Variants in CAMK1D observed in about 807,000 individuals in gnomAD.
CAMK1D encodes the protein calcium/calmodulin dependent protein kinase ID.
CAMK1D carries 9 observed loss-of-function variants against 47.7 expected under a neutral mutation model. The ratio of observed to expected loss-of-function variants is 0.19; its 90% CI spans 0.11 to 0.33. The LOEUF is 0.33. CAMK1D is among the 10% of genes least tolerant of loss of function. The probability of loss-of-function intolerance (pLI) is 1.00; values close to 1 mark genes in which losing one functional copy is unlikely to be tolerated. For synonymous variants in CAMK1D, 184 were observed against 184.9 expected, an observed-to-expected ratio of 0.99 and a Z score of 0.04; for missense variants, 291 against 488.7, an observed-to-expected ratio of 0.60 and a Z score of 3.81.
intron 3 of CAMK1D, among the ~76,000 whole-genome samples, chr10:12,690,414 G>T (rs1832833034): frequency 6.6e-6 from 1 of 152,156 alleles, no homozygotes; most frequent in African/African-American, 2.4e-5. Flanking sequence ...AGAAGGGAGG[G>T]CGAAGTTGTT....
chr10:12,737,269 G>C (rs1588868985), intron 3 of CAMK1D, among the ~76,000 whole-genome samples: 1 of 151,942 alleles, frequency 6.6e-6, no homozygotes, highest in African/African-American at 2.4e-5. Context: ...TACTGGCCAG[G>C]GGCAGCAGCC....
At chr10:12,396,665 C>G (rs1838967250) in intron 1 of CAMK1D, among the ~76,000 whole-genome samples, 1 of 152,216 alleles carries the variant, frequency 6.6e-6, no homozygotes, top group South Asian at 2.1e-4. Flanking sequence ...CAAGCACTTA[C>G]AATCTTCTTT....
intron 1 of CAMK1D, among the ~76,000 whole-genome samples, chr10:12,399,509 A>G (rs1227665765): frequency 6.6e-6 from 1 of 152,104 alleles, no homozygotes; most frequent in Non-Finnish European, 1.5e-5. Flanking sequence ...GTCTGAAAAA[A>G]AAAAAAGAAG....
At chr10:12,717,622 A>G (rs1834198339) in intron 3 of CAMK1D, among the ~76,000 whole-genome samples, 1 of 151,682 alleles carries the variant, frequency 6.6e-6, no homozygotes, top group Non-Finnish European at 1.5e-5. Context: ...TTACTGGTGC[A>G]TGCCTGTGGT....
intron 2 of CAMK1D, among the ~76,000 whole-genome samples, chr10:12,566,649 C>T (rs558624464): frequency 2.6e-5 from 4 of 152,296 alleles, no homozygotes; most frequent in East Asian, 1.9e-4. Flanking sequence ...CGGGCAGACG[C>T]GGAGCCAGAA....
intron 2 of CAMK1D, among the ~76,000 whole-genome samples, chr10:12,662,651 C>CAAAAAAAAAAAAAAAAAAAAAAAAAA (rs56807588): frequency 1.4e-5 from 2 of 140,434 alleles, no homozygotes; most frequent in African/African-American, 2.6e-5. Flanking sequence ...CACTCTGCCT[C>CAAAAAAAAAAAAAAAAAAAAAAAAAA]AAAAAAAAAA....
At chr10:12,642,096 C>T (rs78478296) in intron 2 of CAMK1D, among the ~76,000 whole-genome samples, 8,065 of 151,418 alleles carry the variant, frequency 0.053, 366 homozygotes, top group African/African-American at 0.13. Context: ...GCTTTTTTAC[C>T]TGCTAATTAG....
chr10:12,705,590 T>C (rs554321767), intron 3 of CAMK1D, among the ~76,000 whole-genome samples: 1 of 152,224 alleles, frequency 6.6e-6, no homozygotes, highest in African/African-American at 2.4e-5. Context: ...GTATGCTGGT[T>C]CAGGGAGACC....
At chr10:12,824,397 C>T in intron 8 of CAMK1D, 68 bp from the exon 9 acceptor site, 1 of 1,381,410 alleles carries the variant, frequency 7.2e-7, no homozygotes, top group Non-Finnish European at 1.0e-6. Flanking sequence ...GTAAGACTCC[C>T]CTTTATGGGA....
intron 2 of CAMK1D, among the ~76,000 whole-genome samples, chr10:12,652,460 C>T (rs899502164): frequency 6.1e-5 from 9 of 147,710 alleles, no homozygotes; most frequent in South Asian, 2.1e-4. Context: ...TGGTGGCGGG[C>T]GCCTGTAGTC....
chr10:12,760,944 C>A lies in CAMK1D; in HGVS notation c.300-4C>A. ...CAAACTTCTAATATGTTCTTTTTTG[C>A]CAGGGTGTCCGGTGGAGAGCTGTTT... On this transcript the variant is annotated splice_polypyrimidine_tract_variant and splice_region_variant and intron_variant, in intron 3 of 10. Coordinates refer to ENST00000619168, the MANE Select transcript of CAMK1D (RefSeq NM_153498.4). 1 of 1,608,274 alleles carries A rather than the reference C, an allele frequency of 6.2e-7. No homozygotes were observed. Among genetic ancestry groups the A allele is most frequent in the Non-Finnish European group, 8.5e-7 (1 of 1,176,658 alleles).
chr10:12,371,873 G>A (rs1838016473), intron 1 of CAMK1D, among the ~76,000 whole-genome samples: 1 of 151,912 alleles, frequency 6.6e-6, no homozygotes, highest in Non-Finnish European at 1.5e-5. Flanking sequence ...CACCATGTTA[G>A]CCAGACTGGT....
intron 1 of CAMK1D, among the ~76,000 whole-genome samples, chr10:12,375,904 T>C (rs988930053): frequency 1.3e-5 from 2 of 152,118 alleles, no homozygotes; most frequent in African/African-American, 4.8e-5. Flanking sequence ...GGCTCACACC[T>C]ATAATCCTAG....
At chr10:12,393,531 A>G (rs1838823416) in intron 1 of CAMK1D, among the ~76,000 whole-genome samples, 1 of 152,166 alleles carries the variant, frequency 6.6e-6, no homozygotes, top group Non-Finnish European at 1.5e-5. Context: ...ATGGGGTCAG[A>G]CATTTTAATT....
intron 2 of CAMK1D, among the ~76,000 whole-genome samples, chr10:12,612,539 T>C (rs1838662492): frequency 6.6e-6 from 1 of 152,122 alleles, no homozygotes; most frequent in East Asian, 1.9e-4. Flanking sequence ...GTGGGTTTAA[T>C]GGTGTCCTGG....
chr10:12,425,786 A>G (rs1377394914), intron 1 of CAMK1D, among the ~76,000 whole-genome samples: 1 of 152,264 alleles, frequency 6.6e-6, no homozygotes, highest in African/African-American at 2.4e-5. Context: ...GAACAAGCGA[A>G]TATATGGGCG....
chr10:12,711,176 A>T (rs1833922141), intron 3 of CAMK1D, among the ~76,000 whole-genome samples: 1 of 152,184 alleles, frequency 6.6e-6, no homozygotes, highest in South Asian at 2.1e-4. Flanking sequence ...CAAAAGAGAA[A>T]ACCGCCTGTT....
chr10:12,353,205 T>C (rs1311285761), intron 1 of CAMK1D, among the ~76,000 whole-genome samples: 1 of 152,156 alleles, frequency 6.6e-6, no homozygotes, highest in African/African-American at 2.4e-5. Context: ...CTAACACAAA[T>C]GAAAGGCATC....
At chr10:12,633,359 C>G (rs766214252) in intron 2 of CAMK1D, among the ~76,000 whole-genome samples, 4 of 152,088 alleles carry the variant, frequency 2.6e-5, no homozygotes, top group Non-Finnish European at 2.9e-5. Flanking sequence ...CAACAGTGCT[C>G]CTCAAATAAC....
Sources: gnomAD v4.1 joint callset for allele counts (sites outside exome capture counted in the v4.1 genomes callset) on GRCh38, gnomAD v4.1.1 for gene constraint, MANE v1.5 for transcripts, NCBI Gene and HGNC (gene_info 2026-07-23, HGNC 2026-07-21) for gene names.